ZNF676: variants seen among roughly 807,000 people sequenced by gnomAD.
ZNF676 encodes the protein zinc finger protein 676.
Under a neutral mutation model 6.0 loss-of-function variants are expected in ZNF676, and 4 were observed. The ratio of observed to expected loss-of-function variants is 0.67; its 90% CI spans 0.33 to 1.53. The LOEUF (loss-of-function observed/expected upper bound fraction) is 1.53, where lower values mean the gene tolerates loss of function less well. Among genes scored for constraint, ZNF676 ranks in the 40% most tolerant of loss-of-function variants. The probability of loss-of-function intolerance (pLI) is 0.06; values close to 1 mark genes in which losing one functional copy is unlikely to be tolerated. For synonymous variants in ZNF676, 198 were observed against 223.1 expected (o/e 0.89, Z 1.00); for missense variants, 644 against 679.7 (o/e 0.95, Z 0.58).
chr19:22,215,070 A>ACC (rs2024170518), intron 1 of ZNF676, among the ~76,000 whole-genome samples: 1 of 149,862 alleles, frequency 6.7e-6, no homozygotes, highest in African/African-American at 2.5e-5. Flanking sequence ...ACAACAAAAA[A>ACC]CCAGGAAACT....
chr19:22,242,758 T>G, the ZNF676 span, among the ~76,000 whole-genome samples: 1 of 151,856 alleles, frequency 6.6e-6, no homozygotes, highest in Non-Finnish European at 1.5e-5. Context: ...CAGAGATGTT[T>G]CTGATTCTGT....
At chr19:22,218,308 A>G (rs757651761), upstream of ZNF676, among the ~76,000 whole-genome samples, 4 of 151,850 alleles carry the variant, frequency 2.6e-5, no homozygotes, top group Non-Finnish European at 4.4e-5. Flanking sequence ...TGATTTTTGT[A>G]TAAGGTGAGA....
At chr19:22,215,268 T>A (rs983855445) in intron 1 of ZNF676, among the ~76,000 whole-genome samples, 8 of 152,264 alleles carry the variant, frequency 5.3e-5, no homozygotes, top group Non-Finnish European at 8.8e-5. Context: ...AATGGGAGAA[T>A]ACAGGAACTG....
rs2023693368 is a variant in ZNF676 at position 22,179,321 on chromosome 19, A to C, written c.*629T>G. The stretch of plus-strand genomic sequence containing the variant: ...ATGAATTAGCCTATGTTTCTTAAGA[A>C]TTGAGGATCTGTTAGAGGCTTTCCC... On this transcript the variant is annotated 3_prime_UTR_variant, in exon 3 of 3. Transcript: ENST00000397121. The C allele has an allele frequency of 5.3e-6, 1 of 188,664 alleles. No homozygotes were observed. Among genetic ancestry groups the C allele is most frequent in the East Asian group, 1.5e-4 (1 of 6,560 alleles). 11.7% of individuals were successfully genotyped at this position (188,664 alleles called of 1,614,324 possible).
upstream of ZNF676, among the ~76,000 whole-genome samples, chr19:22,216,986 A>G (rs281190): frequency 0.45 from 67,336 of 149,714 alleles, 16,623 homozygotes; most frequent in African/African-American, 0.67. Context: ...GGGAGTTTGG[A>G]GGTTTTTATT....
chr19:22,242,340 G>A, the ZNF676 span, among the ~76,000 whole-genome samples: 294 of 152,046 alleles, frequency 1.9e-3, 9 homozygotes, highest in East Asian at 0.013. Flanking sequence ...TTTTCTGTGG[G>A]CAAGGTGCAG....
chr19:22,189,786 G>T (rs1334428993), intron 2 of ZNF676, among the ~76,000 whole-genome samples: 1 of 152,074 alleles, frequency 6.6e-6, no homozygotes, highest in Non-Finnish European at 1.5e-5. Flanking sequence ...CATCATTACT[G>T]GTCATTAGAG....
chr19:22,232,804 C>T, the ZNF676 span, among the ~76,000 whole-genome samples: 396 of 152,062 alleles, frequency 2.6e-3, no homozygotes, highest in African/African-American at 8.6e-3. Flanking sequence ...AATTAACACA[C>T]TATGAGCATG....
intron 1 of ZNF676, among the ~76,000 whole-genome samples, chr19:22,212,994 C>CA (rs1414641701): frequency 8.8e-5 from 13 of 147,962 alleles, no homozygotes; most frequent in Admixed American, 4.1e-4. Context: ...GACTCCATCT[C>CA]AAAAAAAAAG....
chr19:22,214,880 A>C (rs1434142826), intron 1 of ZNF676, among the ~76,000 whole-genome samples: 1 of 151,396 alleles, frequency 6.6e-6, no homozygotes, highest in East Asian at 2.0e-4. Context: ...TCTACTAAAA[A>C]ATACCAAAAA....
At chr19:22,219,011 A>AT (rs35080714), upstream of ZNF676, among the ~76,000 whole-genome samples, 51,953 of 122,944 alleles carry the variant, frequency 0.42, 10,036 homozygotes, top group African/African-American at 0.47. Context: ...AAATTTTAGG[A>AT]TTTTTTTTTT....
At chr19:22,260,200 C>A in the ZNF676 span, among the ~76,000 whole-genome samples, 2,253 of 152,174 alleles carry the variant, frequency 0.015, 48 homozygotes, top group African/African-American at 0.051. Context: ...CAACCCCTGC[C>A]CAGCGGTGGC....
At chr19:22,201,064 C>T (rs2024021196), upstream of ZNF676, among the ~76,000 whole-genome samples, 2 of 152,040 alleles carry the variant, frequency 1.3e-5, no homozygotes, top group South Asian at 4.1e-4. Flanking sequence ...CAGGATGATT[C>T]TAAATAAAAA....
the ZNF676 span, among the ~76,000 whole-genome samples, chr19:22,231,410 T>C: frequency 9.2e-5 from 14 of 151,668 alleles, 1 homozygote; most frequent in South Asian, 4.2e-4. Context: ...TGAACTTAAT[T>C]CAGAGACATA....
At chr19:22,231,518 T>A in the ZNF676 span, among the ~76,000 whole-genome samples, 72 of 150,782 alleles carry the variant, frequency 4.8e-4, no homozygotes, top group East Asian at 8.2e-3. Flanking sequence ...AGACTGATAG[T>A]GGCAAGATGG....
the ZNF676 span, among the ~76,000 whole-genome samples, chr19:22,238,904 G>T: frequency 6.6e-5 from 10 of 152,146 alleles, no homozygotes; most frequent in African/African-American, 2.2e-4. Flanking sequence ...TGATTAGATT[G>T]TGCCCATCCA....
At position 22,212,524 on chromosome 19, in the gene ZNF676, G is replaced by A. The variant is rs561984494; in HGVS notation, c.3+3108C>T. Among the ~76,000 whole-genome samples the A allele has an allele frequency of 5.3e-5, 8 of 151,872 alleles. No individual in the cohort carries two copies. The East Asian group carries it at 1.2e-3, about 22-fold the overall frequency. Reference sequence around the variant, plus strand: ...GAGCTCAAACAGCCTGGCCAACATGGTGAACCCCCATCTCTACTAAAAATA... The same window carrying A: ...GAGCTCAAACAGCCTGGCCAACATGATGAACCCCCATCTCTACTAAAAATA... On this transcript the variant is annotated intron_variant, in intron 1 of 3. Coordinates refer to the ZNF676 transcript ENST00000650058.
intron 1 of ZNF676, among the ~76,000 whole-genome samples, chr19:22,202,481 A>C (rs1479650768): frequency 6.6e-6 from 1 of 152,144 alleles, no homozygotes; most frequent in Non-Finnish European, 1.5e-5. Context: ...CATCTATAGT[A>C]AAGCTTAGTT....
intron 1 of ZNF676, among the ~76,000 whole-genome samples, chr19:22,213,541 G>T (rs567281887): frequency 6.6e-6 from 1 of 152,228 alleles, no homozygotes; most frequent in Admixed American, 6.5e-5. Flanking sequence ...CCATACCTCG[G>T]GTTGTCCTAC....
Sources: gnomAD v4.1 joint callset for allele counts (sites outside exome capture counted in the v4.1 genomes callset) on GRCh38, gnomAD v4.1.1 for gene constraint, MANE v1.5 for transcripts, NCBI Gene and HGNC (gene_info 2026-07-23, HGNC 2026-07-21) for gene names.